Variants in CDH4 observed in about 807,000 individuals in gnomAD.
CDH4 encodes the protein cadherin 4, also known as cadherin-4.
Under a neutral mutation model 86.0 loss-of-function variants are expected in CDH4, and 33 were observed. That is an observed-to-expected ratio of 0.38 (90% confidence interval 0.29 to 0.51). The LOEUF (loss-of-function observed/expected upper bound fraction) is 0.51, where lower values mean the gene tolerates loss of function less well. Ranked by LOEUF, CDH4 falls within the 20% of genes least tolerant of loss-of-function variation. The pLI is 0.86. For synonymous variants in CDH4, 555 were observed against 549.4 expected, an observed-to-expected ratio of 1.01 and a Z score of -0.14; for missense variants, 1,114 against 1,307.4, an observed-to-expected ratio of 0.85 and a Z score of 2.28.
chr20:61,433,903 CTGCAAATGCT>C (rs2085264942), intron 2 of CDH4, among the ~76,000 whole-genome samples: 1 of 152,186 alleles, frequency 6.6e-6, no homozygotes, highest in Admixed American at 6.5e-5. Context: ...AGTAGTTGAG[CTGCAAATGCT>C]TGTGGATTGA....
chr20:61,260,704 C>T (rs531089684), intron 2 of CDH4, among the ~76,000 whole-genome samples: 3 of 152,296 alleles, frequency 2.0e-5, no homozygotes, highest in Admixed American at 6.5e-5. Context: ...AAAATGGGCA[C>T]GCAGAGCCCA....
chr20:61,850,905 G>A (rs988018882), intron 5 of CDH4, among the ~76,000 whole-genome samples: 15 of 152,236 alleles, frequency 9.9e-5, no homozygotes, highest in Non-Finnish European at 1.8e-4. Flanking sequence ...GGGCAGAGGC[G>A]GTATTTCCTC....
chr20:61,377,588 A>G lies in CDH4; in HGVS notation c.169+122651A>G, dbSNP rs1396595135. 6.6e-6 allele frequency among the ~76,000 whole-genome samples: 1 copy of G among 152,200 alleles called. No individual in the cohort carries two copies. On this transcript the variant is annotated intron_variant, in intron 2 of 15. Coordinates refer to ENST00000614565, the MANE Select transcript of CDH4 (RefSeq NM_001794.5). This position sits in a 1 kb window ranked among gnomAD's most constrained non-coding sequence, Gnocchi z 4.0. Reference sequence around the variant, plus strand: ...ATTGCATGGTGCTTTTCTGTAGTCAACGAGTCGCTTTAGCTTTCAAACAAC... The same window carrying G: ...ATTGCATGGTGCTTTTCTGTAGTCAGCGAGTCGCTTTAGCTTTCAAACAAC...
chr20:61,928,979 A>AT lies in CDH4; in HGVS notation c.2005+562dup, dbSNP rs566102983. On this transcript the variant is annotated intron_variant, in intron 12 of 15. Coordinates refer to ENST00000614565, the MANE Select transcript of CDH4 (RefSeq NM_001794.5). Reference sequence around the variant, plus strand: ...TTGTATATCCTGATTACCAGTGGAAATTTTTTATATATATTTATTGGCCAT... The same window carrying AT: ...TTGTATATCCTGATTACCAGTGGAAATTTTTTTATATATATTTATTGGCCAT... Among the ~76,000 whole-genome samples the AT allele has an allele frequency of 1.5e-3, 224 of 152,266 alleles. 4 individuals carry two copies. Among genetic ancestry groups the AT allele is most frequent in the African/African-American group, 5.1e-3 (211 of 41,550 alleles).
intron 4 of CDH4, among the ~76,000 whole-genome samples, chr20:61,822,622 C>T (rs2146068320): frequency 6.6e-6 from 1 of 152,328 alleles, no homozygotes; most frequent in South Asian, 2.1e-4. Context: ...GTGGAGCAGT[C>T]AGTGGGAACA....
rs865899689 is a variant in CDH4, at chr20:61,713,295, G to A, written c.170-30268G>A. ...TGCACTTTGCAATGCTGAGCTTCAA[G>A]GTGCATGGGGTGTCTCCACTCCCCC... On this transcript the variant is annotated intron_variant, in intron 2 of 15. Transcript: ENST00000614565. Among the ~76,000 whole-genome samples, 23 of 152,164 alleles carry A rather than the reference G, an allele frequency of 1.5e-4. 1 individual carries two copies. Among genetic ancestry groups the A allele is most frequent in the African/African-American group, 5.6e-4 (23 of 41,438 alleles).
At chr20:61,321,935 T>C (rs1440644150) in intron 2 of CDH4, among the ~76,000 whole-genome samples, 2 of 150,990 alleles carry the variant, frequency 1.3e-5, no homozygotes, top group Non-Finnish European at 2.9e-5. Context: ...TATATTATAA[T>C]AATAAATATT....
chr20:61,714,062 T>TGTTATG lies in CDH4; in HGVS notation c.170-29501_170-29500insGTTATG, dbSNP rs1237764006. Among the ~76,000 whole-genome samples, 285 of 149,890 alleles carry TGTTATG rather than the reference T, an allele frequency of 1.9e-3. 3 individuals carry two copies. Among genetic ancestry groups the TGTTATG allele is most frequent in the South Asian group, 5.2e-3 (24 of 4,640 alleles). ...TTTTATTTTATTTTATTTTATTTTA[T>TGTTATG]TTGAGATGGAGTCTCACTCTGTCGC... On this transcript the variant is annotated intron_variant, in intron 2 of 15. Transcript: ENST00000614565.
intron 2 of CDH4, among the ~76,000 whole-genome samples, chr20:61,313,667 A>G (rs2084460562): frequency 6.6e-6 from 1 of 152,236 alleles, no homozygotes; most frequent in South Asian, 2.1e-4. Flanking sequence ...TTTTGGTTTT[A>G]TGAAGGTATA....
At chr20:61,482,486 G>A (rs1390995841) in intron 2 of CDH4, among the ~76,000 whole-genome samples, 1 of 152,128 alleles carries the variant, frequency 6.6e-6, no homozygotes, top group Non-Finnish European at 1.5e-5. Context: ...TTGAGCGGAG[G>A]CCTGGACGCG....
At chr20:61,402,801 G>A (rs964960828) in intron 2 of CDH4, among the ~76,000 whole-genome samples, 5 of 152,238 alleles carry the variant, frequency 3.3e-5, no homozygotes, top group African/African-American at 1.2e-4. Flanking sequence ...TCTGAAACAG[G>A]TGTTAGGCCA....
At chr20:61,471,820 C>T (rs1476688735) in intron 2 of CDH4, among the ~76,000 whole-genome samples, 2 of 151,988 alleles carry the variant, frequency 1.3e-5, no homozygotes, top group African/African-American at 4.8e-5. Flanking sequence ...GTATAGTTTC[C>T]AAAATTCCTC....
At chr20:61,454,852 G>C (rs947090342) in intron 2 of CDH4, among the ~76,000 whole-genome samples, 10 of 152,164 alleles carry the variant, frequency 6.6e-5, no homozygotes, top group Non-Finnish European at 1.3e-4. Flanking sequence ...CCACTACGGG[G>C]GGCAGTGGTG....
intron 7 of CDH4, among the ~76,000 whole-genome samples, chr20:61,884,277 C>T (rs1984434200): frequency 6.6e-6 from 1 of 152,208 alleles, no homozygotes; most frequent in South Asian, 2.1e-4. Flanking sequence ...CTGCACGTCA[C>T]TGTCCTGGCT....
At chr20:61,866,114 C>T (rs1428017123) in intron 6 of CDH4, among the ~76,000 whole-genome samples, 1 of 152,078 alleles carries the variant, frequency 6.6e-6, no homozygotes, top group East Asian at 1.9e-4. Flanking sequence ...GGCCACACCA[C>T]CCCCTGGCAT....
chr20:61,435,305 C>G (rs936237011), intron 2 of CDH4, among the ~76,000 whole-genome samples: 1 of 152,222 alleles, frequency 6.6e-6, no homozygotes, highest in East Asian at 1.9e-4. Flanking sequence ...GCAACGTAAC[C>G]TGCCCCAGGA....
intron 2 of CDH4, among the ~76,000 whole-genome samples, chr20:61,358,872 A>T (rs1316337334): frequency 6.6e-6 from 1 of 152,166 alleles, no homozygotes; most frequent in African/African-American, 2.4e-5. Context: ...GTCATGCGGC[A>T]TGCTCACCGT....
At position 61,879,028 on chromosome 20, in the gene CDH4, G is replaced by A. The variant is rs560477858; in HGVS notation, c.1050+5128G>A. On this transcript the variant is annotated intron_variant, in intron 7 of 15. Coordinates refer to ENST00000614565, the MANE Select transcript of CDH4 (RefSeq NM_001794.5). The surrounding 1 kb of genome is among the most constrained non-coding windows in gnomAD (Gnocchi z 4.1). The stretch of plus-strand genomic sequence containing the variant: ...TCTGCAGCAGAGGATGCACGTTGTC[G>A]GATTTTCAGCAGCAAACAATAAAAC... 2.0e-5 allele frequency among the ~76,000 whole-genome samples: 3 copies of A among 152,244 alleles called. No homozygotes were observed. Among genetic ancestry groups the A allele is most frequent in the Admixed American group, 6.5e-5 (1 of 15,282 alleles).
At chr20:61,545,234 G>T (rs1339610019) in intron 2 of CDH4, among the ~76,000 whole-genome samples, 1 of 152,246 alleles carries the variant, frequency 6.6e-6, no homozygotes, top group Non-Finnish European at 1.5e-5. Flanking sequence ...AGACCGAGCA[G>T]TTTTCTGTGT....
Sources: gnomAD v4.1 joint callset for allele counts (sites outside exome capture counted in the v4.1 genomes callset) on GRCh38, gnomAD v4.1.1 for gene constraint, Gnocchi (gnomAD v3.1) non-coding constraint, MANE v1.5 for transcripts, NCBI Gene and HGNC (gene_info 2026-07-23, HGNC 2026-07-21) for gene names.